The following CNKSR2 variants were observed in gnomAD, a reference collection of about 807,000 sequenced individuals.
CNKSR2 encodes CNK homolog protein 2.
Under a neutral mutation model 84.4 loss-of-function variants are expected in CNKSR2, and 14 were observed. The ratio of observed to expected loss-of-function variants is 0.17; its 90% CI spans 0.11 to 0.26. The LOEUF is 0.26. Among genes scored for constraint, CNKSR2 ranks in the 10% least tolerant of loss-of-function variants. CNKSR2 has a pLI of 1.00. For missense variants in CNKSR2, 485 were observed against 771.2 expected, an observed-to-expected ratio of 0.63 and a Z score of 4.40; for synonymous variants, 275 against 277.9, an observed-to-expected ratio of 0.99 and a Z score of 0.10.
At chrX:21,578,664 C>T (rs1027256578) in intron 13 of CNKSR2, among the ~76,000 whole-genome samples, 51 of 109,690 alleles carry the variant, frequency 4.6e-4, no homozygotes, top group African/African-American at 1.5e-3. Flanking sequence ...AGTTACTCTG[C>T]ATGTAAGGGA....
At chrX:21,520,535 GTTT>G (rs2091772230) in intron 9 of CNKSR2, among the ~76,000 whole-genome samples, 1 of 110,396 alleles carries the variant, frequency 9.1e-6, no homozygotes, top group African/African-American at 3.3e-5. Flanking sequence ...GATGTTTGTG[GTTT>G]TAAATTAATA....
chrX:21,612,083 G>T (rs2092553268), intron 20 of CNKSR2, among the ~76,000 whole-genome samples: 1 of 112,120 alleles, frequency 8.9e-6, no homozygotes, highest in Non-Finnish European at 1.9e-5. Flanking sequence ...ATATTTAGGA[G>T]TGGGCAATTT....
At chrX:21,519,294 A>G (rs1158681322) in intron 9 of CNKSR2, among the ~76,000 whole-genome samples, 1 of 111,370 alleles carries the variant, frequency 9.0e-6, no homozygotes, top group African/African-American at 3.3e-5. Context: ...CAGAAGATGG[A>G]CAAAATCTCA....
chrX:21,485,586 AACAC>A (rs1159037916), intron 5 of CNKSR2, among the ~76,000 whole-genome samples: 5 of 111,484 alleles, frequency 4.5e-5, no homozygotes, highest in Non-Finnish European at 9.4e-5. Context: ...TGAGAAAAAA[AACAC>A]ACAATACCAT....
chrX:21,382,005 A>G (rs751700811), intron 1 of CNKSR2, among the ~76,000 whole-genome samples: 4 of 111,731 alleles, frequency 3.6e-5, no homozygotes, highest in East Asian at 2.8e-4. Flanking sequence ...GACCCCATCT[A>G]TTTCTTGTAC....
intron 11 of CNKSR2, among the ~76,000 whole-genome samples, chrX:21,559,259 T>C (rs760882155): frequency 5.5e-5 from 6 of 109,586 alleles, no homozygotes; most frequent in Admixed American, 9.7e-5. Flanking sequence ...ATTATGAAAG[T>C]TAGGTTCAGA....
chrX:21,395,431 G>C (rs1401948297), intron 1 of CNKSR2, among the ~76,000 whole-genome samples: 1 of 111,491 alleles, frequency 9.0e-6, no homozygotes, highest in Non-Finnish European at 1.9e-5. Context: ...TAAGATGTCA[G>C]ATTTTATACT....
chrX:21,465,583 T>C (rs1201274245), intron 4 of CNKSR2, among the ~76,000 whole-genome samples: 1 of 111,458 alleles, frequency 9.0e-6, no homozygotes, highest in African/African-American at 3.3e-5. Flanking sequence ...TTTTATATTA[T>C]TTGTAAAAGT....
chrX:21,473,841 G>A lies in CNKSR2; in HGVS notation c.561+3034G>A, dbSNP rs188426372. 1.2e-3 allele frequency among the ~76,000 whole-genome samples: 127 copies of A among 101,790 alleles called. 1 individual carries two copies. Among genetic ancestry groups the A allele is most frequent in the Non-Finnish European group, 2.1e-3 (107 of 50,991 alleles). The allele number at this position is 101,790 out of a possible 115,157, so 88.4% of individuals were successfully genotyped here. ...GGCTCACTGCAAGCTCCATCTCCCG[G>A]GTTCACGCCATTCCCCTGCCTCAGC... On this transcript the variant is annotated intron_variant, in intron 5 of 21. Coordinates refer to ENST00000379510, the MANE Select transcript of CNKSR2 (RefSeq NM_014927.5).
At chrX:21,553,636 G>A (rs951669088) in intron 11 of CNKSR2, among the ~76,000 whole-genome samples, 1 of 110,456 alleles carries the variant, frequency 9.1e-6, no homozygotes, top group Non-Finnish European at 1.9e-5. Flanking sequence ...GAAAGGAATT[G>A]TAAAGTTATT....
At chrX:21,547,716 T>G (rs1487514340) in intron 11 of CNKSR2, among the ~76,000 whole-genome samples, 3 of 111,068 alleles carry the variant, frequency 2.7e-5, no homozygotes, top group Non-Finnish European at 5.7e-5. Flanking sequence ...GAACAGAAAT[T>G]ATAACAAACA....
At position 21,444,759 on chromosome X, in the gene CNKSR2, A is replaced by T. The variant is rs763686953; in HGVS notation, c.519+3978A>T. Reference sequence around the variant, plus strand: ...AGAAAGATCTCATTTCTAAAATGTGATTTAAAAAAAAAAAAAAGGATTTTA... The same window carrying T: ...AGAAAGATCTCATTTCTAAAATGTGTTTTAAAAAAAAAAAAAAGGATTTTA... On this transcript the variant is annotated intron_variant, in intron 4 of 21. Transcript: ENST00000379510. Among the ~76,000 whole-genome samples, 3 of 107,751 alleles carry T rather than the reference A, an allele frequency of 2.8e-5. No individual in the cohort carries two copies. In the South Asian group the frequency reaches 1.2e-3, roughly 43 times the overall value. 93.6% of individuals were successfully genotyped at this position (107,751 alleles called of 115,157 possible). A position where few individuals can be genotyped will look rare whatever the true frequency, so the allele number is the denominator to read the frequency against.
chrX:21,514,506 G>T (rs981827520), intron 8 of CNKSR2, among the ~76,000 whole-genome samples: 2 of 111,646 alleles, frequency 1.8e-5, no homozygotes, highest in Non-Finnish European at 3.8e-5. Context: ...TTTTGGAATT[G>T]TTACTTAAAA....
At chrX:21,480,603 G>C (rs1056988155) in intron 5 of CNKSR2, among the ~76,000 whole-genome samples, 8 of 111,449 alleles carry the variant, frequency 7.2e-5, no homozygotes, top group African/African-American at 1.6e-4. Context: ...GATTTTCCCA[G>C]ATCCAATTCT....
chrX:21,527,617 T>C (rs184836861), intron 10 of CNKSR2, among the ~76,000 whole-genome samples: 2 of 111,115 alleles, frequency 1.8e-5, no homozygotes, highest in East Asian at 5.7e-4. Context: ...TCGATTCTTA[T>C]TTGAAAATCC....
intron 1 of CNKSR2, chrX:21,426,215 A>G: frequency 3.9e-6 from 1 of 259,731 alleles, no homozygotes; most frequent in Non-Finnish European, 6.7e-6. Flanking sequence ...ACTTTATGAA[A>G]TAGTCAGCAA....
intron 1 of CNKSR2, among the ~76,000 whole-genome samples, chrX:21,384,392 G>C (rs1392235360): frequency 8.9e-6 from 1 of 112,146 alleles, no homozygotes; most frequent in African/African-American, 3.2e-5. Flanking sequence ...CTAGCTGTCA[G>C]ACCAGAGACT....
intron 1 of CNKSR2, among the ~76,000 whole-genome samples, chrX:21,406,668 G>T (rs1414337125): frequency 1.8e-5 from 2 of 111,203 alleles, no homozygotes; most frequent in Non-Finnish European, 3.8e-5. Context: ...TCCTAGCTGG[G>T]CCAAAAAGTA....
At position 21,405,871 on chromosome X, in the gene CNKSR2, C is replaced by T. The variant is rs561940735; in HGVS notation, c.65-20626C>T. On this transcript the variant is annotated intron_variant, in intron 1 of 21. Transcript: ENST00000379510. ...TAAATATATTTATATAAAATCCTAA[C>T]GGTTCAGAAAAGTTAGTTTTAGGAA... Among the ~76,000 whole-genome samples the T allele has an allele frequency of 7.2e-5, 8 of 111,226 alleles. No individual in the cohort carries two copies. The South Asian group carries it at 2.2e-3, about 31-fold the overall frequency.
Sources: allele counts gnomAD v4.1 joint callset (sites outside exome capture counted in the v4.1 genomes callset), GRCh38; gene constraint gnomAD v4.1.1; transcripts MANE v1.5; gene names NCBI Gene and HGNC (gene_info 2026-07-23, HGNC 2026-07-21).